The following KATNA1 variants were observed in gnomAD, a reference collection of about 807,000 sequenced individuals.
KATNA1 encodes katanin catalytic subunit A1.
Under a neutral mutation model 62.6 loss-of-function variants are expected in KATNA1, and 42 were observed. That is an observed-to-expected ratio of 0.67 (90% CI 0.52 to 0.87). The LOEUF (loss-of-function observed/expected upper bound fraction) is 0.87. KATNA1 is among the 40% of genes least tolerant of loss of function. The probability of loss-of-function intolerance (pLI) is 0.00; values close to 1 mark genes in which losing one functional copy is unlikely to be tolerated. For missense variants in KATNA1, 498 were observed against 612.5 expected, an observed-to-expected ratio of 0.81 and a Z score of 1.97; for synonymous variants, 186 against 201.9, an observed-to-expected ratio of 0.92 and a Z score of 0.67.
chr6:149,607,254 C>A (rs1405868635), intron 4 of KATNA1, among the ~76,000 whole-genome samples: 1 of 152,194 alleles, frequency 6.6e-6, no homozygotes. Context: ...CAAATGCTGA[C>A]ATATTTAATA....
chr6:149,616,524 C>T (rs1779171503), intron 4 of KATNA1, among the ~76,000 whole-genome samples: 1 of 152,140 alleles, frequency 6.6e-6, no homozygotes. Flanking sequence ...CTTTTGGAGG[C>T]CAAGGCGGGC....
chr6:149,636,482 G>A (rs1023458849), intron 2 of KATNA1, among the ~76,000 whole-genome samples: 1 of 152,128 alleles, frequency 6.6e-6, no homozygotes, highest in Non-Finnish European at 1.5e-5. Context: ...TATGGTAAAG[G>A]ATATGGAGGG....
intron 2 of KATNA1, 97 bp downstream of exon 2, chr6:149,638,289 G>T (rs1378582986): frequency 2.6e-6 from 3 of 1,173,382 alleles, no homozygotes; most frequent in Non-Finnish European, 3.7e-6. Flanking sequence ...TAGTCATACA[G>T]TCTTAACATG....
chr6:149,604,209 T>C (rs1441778275), intron 5 of KATNA1, among the ~76,000 whole-genome samples: 1 of 152,180 alleles, frequency 6.6e-6, no homozygotes, highest in African/African-American at 2.4e-5. Flanking sequence ...CAAAGGCTCA[T>C]GACTGTAATC....
chr6:149,597,245 A>G (rs1390031588), intron 9 of KATNA1, 56 bp from the exon 10 acceptor site: 2 of 1,544,352 alleles, frequency 1.3e-6, no homozygotes, highest in Non-Finnish European at 1.8e-6. Flanking sequence ...ATAGTATACT[A>G]TTGTCTCAAA....
intron 1 of KATNA1, among the ~76,000 whole-genome samples, chr6:149,641,357 T>C (rs1780277702): frequency 1.3e-5 from 2 of 151,432 alleles, no homozygotes; most frequent in South Asian, 4.2e-4. Context: ...TTTGTATTTT[T>C]AGTAGAGATG....
chr6:149,613,194 A>AT (rs1779028502), intron 4 of KATNA1, among the ~76,000 whole-genome samples: 1 of 131,184 alleles, frequency 7.6e-6, no homozygotes, highest in African/African-American at 3.2e-5. Flanking sequence ...AAAAAAAAAA[A>AT]AAAAAAAAAA....
intron 4 of KATNA1, among the ~76,000 whole-genome samples, chr6:149,606,671 T>G (rs1177507181): frequency 6.7e-6 from 1 of 149,546 alleles, no homozygotes; most frequent in Admixed American, 6.9e-5. Context: ...CAGGCTGGAG[T>G]GCAGTGGCAC....
chr6:149,641,629 T>C (rs2114635451), intron 1 of KATNA1, among the ~76,000 whole-genome samples: 1 of 152,310 alleles, frequency 6.6e-6, no homozygotes, highest in South Asian at 2.1e-4. Flanking sequence ...ATTTCACTTA[T>C]GAACATGGAA....
chr6:149,606,276 G>A (rs1778738469), intron 4 of KATNA1, among the ~76,000 whole-genome samples: 1 of 152,150 alleles, frequency 6.6e-6, no homozygotes, highest in Non-Finnish European at 1.5e-5. Context: ...TTTTTCATAA[G>A]TGGATGGGTA....
chr6:149,614,046 G>A lies in KATNA1; in HGVS notation c.501+9057C>T, dbSNP rs980904574. 2.0e-5 allele frequency among the ~76,000 whole-genome samples: 3 copies of A among 152,066 alleles called. No individual in the cohort carries two copies. In the East Asian group the frequency reaches 5.8e-4, roughly 29 times the overall value. Reference sequence around the variant, plus strand: ...CTTGGACTTCCTAACCTCCAGAACTGTGAGGGAAAAAAATCCTGTTCTTTA... The same window carrying A: ...CTTGGACTTCCTAACCTCCAGAACTATGAGGGAAAAAAATCCTGTTCTTTA... On this transcript the variant is annotated intron_variant, in intron 4 of 10. Coordinates refer to ENST00000367411, the MANE Select transcript of KATNA1 (RefSeq NM_007044.4).
chr6:149,642,150 C>G (rs1192261975), intron 1 of KATNA1, among the ~76,000 whole-genome samples: 2 of 152,184 alleles, frequency 1.3e-5, no homozygotes, highest in Admixed American at 6.5e-5. Flanking sequence ...ATCCGCCCAC[C>G]TGGGCCTCCC....
chr6:149,645,463 A>C (rs1366949656), intron 1 of KATNA1, among the ~76,000 whole-genome samples: 2 of 151,500 alleles, frequency 1.3e-5, no homozygotes, highest in African/African-American at 2.4e-5. Flanking sequence ...AAACAAAAAA[A>C]AAAAAAAGAA....
chr6:149,617,985 A>T (rs1428825837), intron 4 of KATNA1, among the ~76,000 whole-genome samples: 274 of 141,668 alleles, frequency 1.9e-3, no homozygotes, highest in African/African-American at 6.4e-3. Context: ...TAAATAAATA[A>T]ATAAATATAT....
At chr6:149,603,483 G>A (rs986775763) in intron 5 of KATNA1, 110 bp from the exon 6 acceptor site, 55 of 541,744 alleles carry the variant, frequency 1.0e-4, no homozygotes, top group Middle Eastern at 3.4e-4. Flanking sequence ...AGAATGGTGA[G>A]CCTCTCTCTG....
chr6:149,646,089 T>C (rs562527365), intron 1 of KATNA1, among the ~76,000 whole-genome samples: 1 of 152,312 alleles, frequency 6.6e-6, no homozygotes, highest in Admixed American at 6.5e-5. Flanking sequence ...CAGTTTTTTT[T>C]AACATAATGT....
intron 4 of KATNA1, among the ~76,000 whole-genome samples, chr6:149,611,703 A>G (rs1050893697): frequency 3.9e-5 from 6 of 152,100 alleles, no homozygotes; most frequent in Admixed American, 2.0e-4. Flanking sequence ...CAAGCACTTA[A>G]AGAATAAGGA....
At chr6:149,639,605 A>G (rs58610477) in intron 1 of KATNA1, among the ~76,000 whole-genome samples, 3 of 151,004 alleles carry the variant, frequency 2.0e-5, no homozygotes, top group Non-Finnish European at 4.4e-5. Context: ...CTCAAAAAAT[A>G]AAAAAATAAA....
chr6:149,601,833 A>C, intron 6 of KATNA1, 81 bp from the exon 7 acceptor site: 1 of 1,088,770 alleles, frequency 9.2e-7, no homozygotes, highest in South Asian at 2.7e-5. Flanking sequence ...TAAGTAGCAA[A>C]TTTCGACCAA....
Sources: allele counts gnomAD v4.1 joint callset (sites outside exome capture counted in the v4.1 genomes callset), GRCh38; gene constraint gnomAD v4.1.1; transcripts MANE v1.5; gene names NCBI Gene and HGNC (gene_info 2026-07-23, HGNC 2026-07-21).